The following NDE1 variants were observed in gnomAD, a reference collection of about 807,000 sequenced individuals.
The protein encoded by NDE1 is nudE neurodevelopment protein 1.
NDE1 carries 28 observed loss-of-function variants against 43.4 expected under a neutral mutation model. That is an observed-to-expected ratio of 0.65 (90% CI 0.48 to 0.89). The LOEUF is 0.89. Ranked by LOEUF, NDE1 falls within the 40% of genes least tolerant of loss-of-function variation. The pLI is 0.00. For missense variants in NDE1, 441 were observed against 434.1 expected, an observed-to-expected ratio of 1.02 and a Z score of -0.14; for synonymous variants, 184 against 172.0, an observed-to-expected ratio of 1.07 and a Z score of -0.55.
At chr16:15,698,695 T>A (rs2039114018) in intron 8 of NDE1, among the ~76,000 whole-genome samples, 1 of 151,776 alleles carries the variant, frequency 6.6e-6, no homozygotes, top group Non-Finnish European at 1.5e-5. Context: ...ACCCTATCTA[T>A]ACTAAAAATA....
In NDE1 at chr16:15,725,055, C is replaced by T; in HGVS notation, c.*804C>T. On this transcript the variant is annotated 3_prime_UTR_variant, in exon 9 of 9. Transcript: ENST00000396354. ...GAAGGGGATCCTCGTTGAAAGGAGC[C>T]CTTTTTACTCAAAACACATGGGCTA... is the stretch of plus-strand genomic sequence containing the variant. 7.1e-7 allele frequency: 1 copy of T among 1,409,634 alleles called. No homozygotes were observed. The highest frequency in any genetic ancestry group is 1.8e-5 in the Admixed American group (1 of 55,004). 87.3% of individuals were successfully genotyped at this position (1,409,634 alleles called of 1,614,324 possible).
chr16:15,724,030 A>G (rs2040618530), intron 8 of NDE1, 161 bp from the exon 9 acceptor site: 1 of 1,481,548 alleles, frequency 6.7e-7, no homozygotes, highest in Non-Finnish European at 9.3e-7. Context: ...AAGATAAGAC[A>G]GCCTCCCATG....
intron 1 of NDE1, among the ~76,000 whole-genome samples, chr16:15,644,601 C>T (rs1466878920): frequency 6.6e-6 from 1 of 152,082 alleles, no homozygotes; most frequent in Admixed American, 6.6e-5. Flanking sequence ...AACGGTGAAA[C>T]CCTATCACTA....
chr16:15,696,685 A>T, intron 7 of NDE1, 24 bp from the exon 8 acceptor site: 1 of 1,614,104 alleles, frequency 6.2e-7, no homozygotes, highest in Non-Finnish European at 8.5e-7. Flanking sequence ...ATAACTTGAG[A>T]GATAAAAGTG....
chr16:15,715,743 C>T (rs1374880217), intron 8 of NDE1, among the ~76,000 whole-genome samples: 2 of 152,144 alleles, frequency 1.3e-5, no homozygotes, highest in Non-Finnish European at 2.9e-5. Context: ...GAACTCCTGG[C>T]TCAAGCAATC....
At chr16:15,686,958 A>G in intron 4 of NDE1, 1 of 984,402 alleles carries the variant, frequency 1.0e-6, no homozygotes, top group South Asian at 4.7e-5. Context: ...CGGCCTCCCA[A>G]AGGGCTGGGA....
intron 3 of NDE1, among the ~76,000 whole-genome samples, chr16:15,675,388 C>T (rs978654670): frequency 7.4e-5 from 11 of 149,070 alleles, no homozygotes; most frequent in Non-Finnish European, 4.4e-5. Flanking sequence ...TTAGTAGATA[C>T]GGGGTTTCGC....
In NDE1 at chr16:15,667,542, C is replaced by G. The variant is rs76343140; in HGVS notation, c.237+103C>G. ...AACCCTGCAATGAGGGACTCCAGAC[C>G]CCAGGCCCATGCTCATCTCTGGAAG... On this transcript the variant is annotated intron_variant, in intron 3 of 8. Transcript: ENST00000396354. The G allele has an allele frequency of 6.6e-3, 9,274 of 1,400,426 alleles. 459 individuals are homozygous for G. The African/African-American group carries it at 0.11, about 17-fold the overall frequency. 86.7% of individuals were successfully genotyped at this position (1,400,426 alleles called of 1,614,324 possible).
chr16:15,646,524 T>A (rs1056829869), upstream of NDE1, among the ~76,000 whole-genome samples: 4 of 151,038 alleles, frequency 2.6e-5, no homozygotes, highest in African/African-American at 9.8e-5. Context: ...GAGGTTGCGG[T>A]GAGCCGAGAT....
Position 15,725,908 on chromosome 16 carries a change from C to T in NDE1, c.*1657C>T. The T allele has an allele frequency of 2.6e-6, 1 of 384,620 alleles. No individual in the cohort carries two copies. Among genetic ancestry groups the T allele is most frequent in the Middle Eastern group, 6.6e-4 (1 of 1,516 alleles). 23.8% of individuals were successfully genotyped at this position (384,620 alleles called of 1,614,324 possible). On this transcript the variant is annotated 3_prime_UTR_variant, in exon 9 of 9. Coordinates refer to ENST00000396354, the MANE Select transcript of NDE1 (RefSeq NM_017668.3). ...TACATGTAATAGGTTCTCAAAAGCC[C>T]TACATCATCTGGGTACAAGCTCCCC...
Position 15,721,638 on chromosome 16 carries a change from C to T in NDE1, c.948-2553C>T, listed in dbSNP as rs760252350. ...TGTTTTTCTCCTCGGCTAACAACTA[C>T]AACACAAGACCCAGAGGTGACTTCT... is the stretch of plus-strand genomic sequence containing the variant. On this transcript the variant is annotated intron_variant, in intron 8 of 8. Transcript: ENST00000396354. 1.3e-5 allele frequency: 21 copies of T among 1,614,172 alleles called. No homozygotes were observed. The highest frequency in any genetic ancestry group is 3.3e-4 in the Middle Eastern group (2 of 6,062).
chr16:15,712,247 C>T (rs999247354), intron 8 of NDE1, among the ~76,000 whole-genome samples: 2 of 152,098 alleles, frequency 1.3e-5, no homozygotes, highest in African/African-American at 4.8e-5. Flanking sequence ...GTCTGAGGTT[C>T]TAGGAAGAAG....
intron 4 of NDE1, chr16:15,687,093 C>T: frequency 7.7e-7 from 1 of 1,296,934 alleles, no homozygotes; most frequent in Non-Finnish European, 9.9e-7. Context: ...ACATGCAGTC[C>T]TGATAGGGCT....
intron 8 of NDE1, chr16:15,708,900 A>G (rs1011364894): frequency 4.0e-6 from 6 of 1,492,750 alleles, no homozygotes; most frequent in African/African-American, 1.4e-5. Flanking sequence ...GAGCCCGGTT[A>G]AGTATATTCT....
Position 15,724,730 on chromosome 16 carries a change from G to A in NDE1, c.*479G>A, listed in dbSNP as rs1378528408. The stretch of plus-strand genomic sequence containing the variant: ...TCCAGCTGGTCTTGCAGGCTGTTCC[G>A]CTCCTCCTCCAGCTGGCGCAGCTTC... On this transcript the variant is annotated 3_prime_UTR_variant, in exon 9 of 9. Transcript: ENST00000396354. 2.5e-6 allele frequency: 4 copies of A among 1,614,146 alleles called. No homozygotes were observed. Among genetic ancestry groups the A allele is most frequent in the Admixed American group, 1.7e-5 (1 of 60,018 alleles).
chr16:15,688,633 CAA>C (rs35767829), intron 5 of NDE1, among the ~76,000 whole-genome samples: 312 of 37,452 alleles, frequency 8.3e-3, no homozygotes, highest in African/African-American at 0.023. Context: ...ACTCTTGTCT[CAA>C]AAAAAAAAAA....
chr16:15,656,162 G>A (rs62036924), intron 1 of NDE1, among the ~76,000 whole-genome samples: 8,510 of 151,786 alleles, frequency 0.056, 270 homozygotes, highest in East Asian at 0.11. Context: ...AAAGATTGCT[G>A]TTTTATGATA....
intron 4 of NDE1, among the ~76,000 whole-genome samples, chr16:15,678,377 T>C (rs570940893): frequency 1.3e-5 from 2 of 152,048 alleles, no homozygotes; most frequent in Non-Finnish European, 2.9e-5. Flanking sequence ...AGTTTTTTGT[T>C]TTTTTTTGGA....
At chr16:15,718,565 G>T (rs886795108) in intron 8 of NDE1, 5 of 1,359,440 alleles carry the variant, frequency 3.7e-6, no homozygotes, top group African/African-American at 2.9e-5. Context: ...GCTTGGAGAA[G>T]ATTAGAAGAC....
Sources: gnomAD v4.1 joint callset for allele counts (sites outside exome capture counted in the v4.1 genomes callset) on GRCh38, gnomAD v4.1.1 for gene constraint, MANE v1.5 for transcripts, NCBI Gene and HGNC (gene_info 2026-07-23, HGNC 2026-07-21) for gene names.